Variants in BHLHA15 observed in about 807,000 individuals in gnomAD.
The protein encoded by BHLHA15 is basic helix-loop-helix family member a15, also known as class A basic helix-loop-helix protein 15.
BHLHA15 carries 7 observed loss-of-function variants against 10.4 expected under a neutral mutation model. The observed-to-expected ratio is 0.67, with a 90% confidence interval of 0.38 to 1.26. BHLHA15 has a LOEUF of 1.26. BHLHA15 is among the 50% of genes most tolerant of loss of function. The probability of loss-of-function intolerance (pLI) is 0.02; values close to 1 mark genes in which losing one functional copy is unlikely to be tolerated. For missense variants in BHLHA15, 289 were observed against 287.4 expected (o/e 1.01, Z -0.04); for synonymous variants, 140 against 131.5 (o/e 1.06, Z -0.44).
In BHLHA15 at chr7:98,215,302, C is replaced by G. The variant is rs565207161; in HGVS notation, c.*2423C>G. On this transcript the variant is annotated 3_prime_UTR_variant, in exon 2 of 2. Coordinates refer to ENST00000609256, the MANE Select transcript of BHLHA15 (RefSeq NM_177455.4). ...CTGGGAAAACCCAGCTGGAGCCGAA[C>G]GGCCCGTGCCCCCACTGTAATTGTG... The G allele has an allele frequency of 5.3e-5, 8 of 152,262 alleles. No homozygotes were observed. Among genetic ancestry groups the G allele is most frequent in the Non-Finnish European group, 1.0e-4 (7 of 68,046 alleles). 9.4% of individuals were successfully genotyped at this position (152,262 alleles called of 1,614,324 possible).
chr7:98,212,009 G>T (rs942105448), intron 1 of BHLHA15, among the ~76,000 whole-genome samples: 2 of 152,174 alleles, frequency 1.3e-5, no homozygotes, highest in African/African-American at 4.8e-5. Context: ...GAGTCATCCT[G>T]GGGGAAGGGG....
In BHLHA15 at chr7:98,212,433, C is replaced by T. The variant is rs764083227; in HGVS notation, c.124C>T (p.Arg42Trp). The change falls in exon 2 of 2, where the codon CGG becomes TGG. Residue 42 changes from arginine (R) to tryptophan (W), a missense_variant. Arg to Trp is a moderately radical substitution (Grantham distance 101, BLOSUM62 -3). Transcript: ENST00000609256. ...GGGGCCAGAGCCGGCCAAGGGTCTG[C>T]GGAGCCGGCCGGCCCGGGCCGCAGC... ...NPGPEPAKGL[R>W]SRPARAAARA... 7.3e-6 allele frequency: 11 copies of T among 1,516,576 alleles called. No homozygotes were observed. Among genetic ancestry groups the T allele is most frequent in the East Asian group, 2.6e-5 (1 of 38,530 alleles). The allele number at this position is 1,516,576 out of a possible 1,614,324, so 93.9% of individuals were successfully genotyped here. A position where few individuals can be genotyped will look rare whatever the true frequency, so the allele number is the denominator to read the frequency against.
In BHLHA15 at chr7:98,214,272, C is replaced by T. The variant is rs1797951932; in HGVS notation, c.*1393C>T. Among the ~76,000 whole-genome samples the T allele has an allele frequency of 6.6e-6, 1 of 152,216 alleles. No homozygotes were observed. Among genetic ancestry groups the T allele is most frequent in the South Asian group, 2.1e-4 (1 of 4,790 alleles). ...CTGGCATTGGCAGCTTCAGGCCTAA[C>T]TTTCCTGGTCAGGGCCCCTTAAGGT... On this transcript the variant is annotated 3_prime_UTR_variant, in exon 2 of 2. Coordinates refer to ENST00000609256, the MANE Select transcript of BHLHA15 (RefSeq NM_177455.4).
rs1584312089 is a variant in BHLHA15 at position 98,213,412 on chromosome 7, G to A, written c.*533G>A. Among the ~76,000 whole-genome samples, 1 of 152,200 alleles carries A rather than the reference G, an allele frequency of 6.6e-6. No homozygotes were observed. Among genetic ancestry groups the A allele is most frequent in the Non-Finnish European group, 1.5e-5 (1 of 68,026 alleles). The stretch of plus-strand genomic sequence containing the variant: ...GAGCCTAAGGCTGCTCGGGGAGTGG[G>A]GCCAATCAGAGATGATTGGAGCTGC... On this transcript the variant is annotated 3_prime_UTR_variant, in exon 2 of 2. Transcript: ENST00000609256.
In BHLHA15 at chr7:98,212,543, G is replaced by T. The variant is rs1447326868; in HGVS notation, c.234G>T (p.Leu78=). The T allele has an allele frequency of 6.3e-7, 1 of 1,596,158 alleles. No homozygotes were observed. Among genetic ancestry groups the T allele is most frequent in the Non-Finnish European group, 8.5e-7 (1 of 1,174,054 alleles). The stretch of plus-strand genomic sequence containing the variant: ...GTGACAGCAGCATCCAGCGGCGGCT[G>T]GAGAGCAACGAGAGGGAGCGGCAGC... ...GRRDSSIQRR[L]ESNERERQRM... The change falls in exon 2 of 2, where the codon CTG becomes CTT. Residue 78 remains leucine (L), a synonymous_variant. Coordinates refer to ENST00000609256, the MANE Select transcript of BHLHA15 (RefSeq NM_177455.4).
intron 1 of BHLHA15, 106 bp from the exon 2 acceptor site, chr7:98,212,150 C>T: frequency 4.9e-6 from 3 of 610,034 alleles, no homozygotes; most frequent in Non-Finnish European, 5.0e-6. Context: ...ACCCCTGCCC[C>T]TGGTACCATT....
In BHLHA15 at chr7:98,213,439, A is replaced by G. The variant is rs1158231053; in HGVS notation, c.*560A>G. On this transcript the variant is annotated 3_prime_UTR_variant, in exon 2 of 2. Transcript: ENST00000609256. Reference sequence around the variant, plus strand: ...CCAATCAGAGATGATTGGAGCTGCCAGAAACTCTAATCAGATGACCTCCAA... The same window carrying G: ...CCAATCAGAGATGATTGGAGCTGCCGGAAACTCTAATCAGATGACCTCCAA... 6.6e-6 allele frequency among the ~76,000 whole-genome samples: 1 copy of G among 152,230 alleles called. No homozygotes were observed. The highest frequency in any genetic ancestry group is 2.4e-5 in the African/African-American group (1 of 41,466).
At chr7:98,212,047 G>C (rs1797913475) in intron 1 of BHLHA15, among the ~76,000 whole-genome samples, 1 of 152,152 alleles carries the variant, frequency 6.6e-6, no homozygotes, top group Non-Finnish European at 1.5e-5. Flanking sequence ...AGATTCCAGA[G>C]GTCTGTTTGA....
chr7:98,212,352 C>A lies in BHLHA15; in HGVS notation c.43C>A (p.Gln15Lys). The change falls in exon 2 of 2, where the codon CAG becomes AAG. Residue 15 changes from glutamine (Q) to lysine (K), a missense_variant. Transcript: ENST00000609256. ...GCCCCCACGGCGCCGGGCCCCGGTG[C>A]AGGACACAGAGGCCACCCCCGGGGA... ...NRPPRRRAPVQDTEATPGEGT... is the reference protein window; with the variant it reads ...NRPPRRRAPVKDTEATPGEGT... 7.1e-7 allele frequency: 1 copy of A among 1,408,480 alleles called. No homozygotes were observed. The highest frequency in any genetic ancestry group is 1.6e-5 in the South Asian group (1 of 61,414). The allele number at this position is 1,408,480 out of a possible 1,614,324, so 87.2% of individuals were successfully genotyped here.
At position 98,213,073 on chromosome 7, in the gene BHLHA15, G is replaced by A. The variant is rs1022371491; in HGVS notation, c.*194G>A. ...TTCCTGCCCCGCTGGGGACCAGCGAGTGGCCTAGTTGCGGCTGTGGCCCTG... is the reference window on the plus strand; with the variant it reads ...TTCCTGCCCCGCTGGGGACCAGCGAATGGCCTAGTTGCGGCTGTGGCCCTG... On this transcript the variant is annotated 3_prime_UTR_variant, in exon 2 of 2. Coordinates refer to ENST00000609256, the MANE Select transcript of BHLHA15 (RefSeq NM_177455.4). 1.9e-5 allele frequency: 11 copies of A among 592,566 alleles called. No homozygotes were observed. The highest frequency in any genetic ancestry group is 1.4e-4 in the South Asian group (6 of 41,396). 36.7% of individuals were successfully genotyped at this position (592,566 alleles called of 1,614,324 possible).
chr7:98,212,289 T>TA lies in BHLHA15; in HGVS notation c.-20dup, dbSNP rs1797916737. The TA allele has an allele frequency of 7.5e-7, 1 of 1,335,510 alleles. No homozygotes were observed. Among genetic ancestry groups the TA allele is most frequent in the Non-Finnish European group, 9.6e-7 (1 of 1,040,512 alleles). 82.7% of individuals were successfully genotyped at this position (1,335,510 alleles called of 1,614,324 possible). ...GCCTCACCTTCCTGCCGCCACCTCC[T>TA]AGGACAGCCAGTCCAGGGCCATGAA... is the stretch of plus-strand genomic sequence containing the variant. On this transcript the variant is annotated 5_prime_UTR_variant, in exon 2 of 2. Coordinates refer to ENST00000609256, the MANE Select transcript of BHLHA15 (RefSeq NM_177455.4).
Position 98,213,118 on chromosome 7 carries a change from A to C in BHLHA15, c.*239A>C. 1 of 513,752 alleles carries C rather than the reference A, an allele frequency of 1.9e-6. No individual in the cohort carries two copies. Among genetic ancestry groups the C allele is most frequent in the Non-Finnish European group, 3.4e-6 (1 of 295,598 alleles). 31.8% of individuals were successfully genotyped at this position (513,752 alleles called of 1,614,324 possible). On this transcript the variant is annotated 3_prime_UTR_variant, in exon 2 of 2. Coordinates refer to ENST00000609256, the MANE Select transcript of BHLHA15 (RefSeq NM_177455.4). Reference sequence around the variant, plus strand: ...GCCCTGGACAGCGGCGTGAGGCCCAAACCTCTAGGTAGGGCCCAGTTGGAT... The same window carrying C: ...GCCCTGGACAGCGGCGTGAGGCCCACACCTCTAGGTAGGGCCCAGTTGGAT...
intron 1 of BHLHA15, 22 bp from the exon 2 acceptor site, chr7:98,212,234 T>G: frequency 7.9e-7 from 1 of 1,262,198 alleles, no homozygotes; most frequent in Admixed American, 4.2e-5. Flanking sequence ...GACCACAGAG[T>G]GTCCTGTGTT....
At position 98,212,707 on chromosome 7, in the gene BHLHA15, C is replaced by A. The variant is rs1170584604; in HGVS notation, c.398C>A (p.Thr133Asn). The change falls in exon 2 of 2, where the codon ACC becomes AAC. Residue 133 changes from threonine (T) to asparagine (N), a missense_variant. Transcript: ENST00000609256. ...YIKSLTATIL[T>N]MSSSRLPGLE... ...AAATCGCTGACGGCCACCATCCTGA[C>A]CATGTCCAGCAGCCGCCTCCCAGGC... The A allele has an allele frequency of 5.1e-6, 8 of 1,565,396 alleles. No individual in the cohort carries two copies. The highest frequency in any genetic ancestry group is 6.9e-6 in the Non-Finnish European group (8 of 1,155,624).
rs1476048615 is a variant in BHLHA15 at position 98,212,598 on chromosome 7, G to A, written c.289G>A (p.Ala97Thr). 2 of 1,607,302 alleles carry A rather than the reference G, an allele frequency of 1.2e-6. No homozygotes were observed. The highest frequency in any genetic ancestry group is 1.3e-5 in the African/African-American group (1 of 74,888). Residue 97 changes from alanine to threonine, a missense_variant, in exon 2 of 2, where the codon GCC (alanine) becomes ACC (threonine). Coordinates refer to ENST00000609256, the MANE Select transcript of BHLHA15 (RefSeq NM_177455.4). ...RMHKLNNAFQ[A>T]LREVIPHVRA... ...GCACAAGCTAAATAACGCCTTCCAGGCCCTGCGTGAAGTCATCCCCCACGT... is the reference window on the plus strand; with the variant it reads ...GCACAAGCTAAATAACGCCTTCCAGACCCTGCGTGAAGTCATCCCCCACGT...
Position 98,212,816 on chromosome 7 carries a change from C to T in BHLHA15, c.507C>T (p.Ala169=), listed in dbSNP as rs1300093657. The T allele has an allele frequency of 6.5e-7, 1 of 1,549,994 alleles. No individual in the cohort carries two copies. ...VAGGALGATE[A]QPQGHLQRYS... Reference sequence around the variant, plus strand: ...GGGGTGCGTTGGGGGCCACGGAGGCCCAGCCCCAGGGCCACCTGCAGAGGT... The same window carrying T: ...GGGGTGCGTTGGGGGCCACGGAGGCTCAGCCCCAGGGCCACCTGCAGAGGT... Residue 169 remains alanine, a synonymous_variant, in exon 2 of 2, where the codon GCC becomes GCT. Coordinates refer to ENST00000609256, the MANE Select transcript of BHLHA15 (RefSeq NM_177455.4).
rs1477180167 is a variant in BHLHA15, at chr7:98,212,249, A to G, written c.-54-7A>G. 4.6e-6 allele frequency: 6 copies of G among 1,302,122 alleles called. No individual in the cohort carries two copies. Among genetic ancestry groups the G allele is most frequent in the Admixed American group, 8.4e-5 (2 of 23,810 alleles). 80.7% of individuals were successfully genotyped at this position (1,302,122 alleles called of 1,614,324 possible). On this transcript the variant is annotated splice_polypyrimidine_tract_variant and splice_region_variant and intron_variant, in intron 1 of 1. Coordinates refer to ENST00000609256, the MANE Select transcript of BHLHA15 (RefSeq NM_177455.4). ...GACCACAGAGTGTCCTGTGTTCTGGATTTCAGCTCCAAGGGCCTCACCTTC... is the reference window on the plus strand; with the variant it reads ...GACCACAGAGTGTCCTGTGTTCTGGGTTTCAGCTCCAAGGGCCTCACCTTC...
In BHLHA15 at chr7:98,214,275, T is replaced by G. The variant is rs77508059; in HGVS notation, c.*1396T>G. Among the ~76,000 whole-genome samples the G allele has an allele frequency of 2.0e-5, 3 of 152,242 alleles. No homozygotes were observed. The highest frequency in any genetic ancestry group is 4.4e-5 in the Non-Finnish European group (3 of 68,032). ...GCATTGGCAGCTTCAGGCCTAACTT[T>G]CCTGGTCAGGGCCCCTTAAGGTGGC... On this transcript the variant is annotated 3_prime_UTR_variant, in exon 2 of 2. Coordinates refer to ENST00000609256, the MANE Select transcript of BHLHA15 (RefSeq NM_177455.4).
At position 98,215,229 on chromosome 7, in the gene BHLHA15, C is replaced by G. The variant is rs1380984077; in HGVS notation, c.*2350C>G. The G allele has an allele frequency of 6.6e-6, 1 of 152,242 alleles. No homozygotes were observed. Among genetic ancestry groups the G allele is most frequent in the Non-Finnish European group, 1.5e-5 (1 of 68,048 alleles). The allele number at this position is 152,242 out of a possible 1,614,324, so 9.4% of individuals were successfully genotyped here. On this transcript the variant is annotated 3_prime_UTR_variant, in exon 2 of 2. Coordinates refer to ENST00000609256, the MANE Select transcript of BHLHA15 (RefSeq NM_177455.4). Reference sequence around the variant, plus strand: ...AGGCGCCCTGAGAGCTCCGAAGGCGCGATCCCCATCCCCACCAGTGGAGAA... The same window carrying G: ...AGGCGCCCTGAGAGCTCCGAAGGCGGGATCCCCATCCCCACCAGTGGAGAA...
Sources: allele counts gnomAD v4.1 joint callset (sites outside exome capture counted in the v4.1 genomes callset), GRCh38; gene constraint gnomAD v4.1.1; transcripts MANE v1.5; gene names NCBI Gene and HGNC (gene_info 2026-07-23, HGNC 2026-07-21).